Variants in PSD3 observed in about 807,000 individuals in gnomAD.
The protein encoded by PSD3 is PH and SEC7 domain-containing protein 3.
Under a neutral mutation model 105.5 loss-of-function variants are expected in PSD3, and 49 were observed. The ratio of observed to expected loss-of-function variants is 0.46; its 90% CI spans 0.37 to 0.59. PSD3 has a LOEUF of 0.59. PSD3 is among the 20% of genes least tolerant of loss of function. The pLI is 0.00. For missense variants in PSD3, 1,561 were observed against 1,263.8 expected (o/e 1.24, Z -3.57); for synonymous variants, 557 against 457.8 (o/e 1.22, Z -2.77).
intron 9 of PSD3, among the ~76,000 whole-genome samples, chr8:18,741,254 A>C (rs1008221744): frequency 1.3e-5 from 2 of 152,196 alleles, no homozygotes; most frequent in Non-Finnish European, 2.9e-5. Flanking sequence ...ACAACTGTTC[A>C]CAAGATGCGA....
chr8:18,602,800 G>A (rs1804530777), intron 11 of PSD3, among the ~76,000 whole-genome samples: 1 of 152,156 alleles, frequency 6.6e-6, no homozygotes. Context: ...CAGTGCCGCT[G>A]TTGCCACTGG....
chr8:18,631,533 A>C (rs17695317), intron 11 of PSD3, among the ~76,000 whole-genome samples: 5,110 of 152,100 alleles, frequency 0.034, 121 homozygotes, highest in East Asian at 0.1. Context: ...AAAATCATGC[A>C]GAGATAGAAA....
At chr8:18,582,330 C>G (rs1802874186) in intron 12 of PSD3, among the ~76,000 whole-genome samples, 1 of 152,102 alleles carries the variant, frequency 6.6e-6, no homozygotes, top group African/African-American at 2.4e-5. Context: ...TCTCCAATTC[C>G]CTATCTTACC....
intron 11 of PSD3, among the ~76,000 whole-genome samples, chr8:18,603,477 A>G (rs534259562): frequency 6.6e-6 from 1 of 152,270 alleles, no homozygotes; most frequent in South Asian, 2.1e-4. Context: ...TTTGGTGGCC[A>G]ATCTTCTATT....
At chr8:19,062,946 G>A (rs1828952659) in intron 1 of PSD3, among the ~76,000 whole-genome samples, 1 of 152,142 alleles carries the variant, frequency 6.6e-6, no homozygotes, top group African/African-American at 2.4e-5. Flanking sequence ...AAGAAAAAAT[G>A]TCTATCCAAA....
intron 2 of PSD3, among the ~76,000 whole-genome samples, chr8:18,911,823 T>G (rs532264572): frequency 6.6e-6 from 1 of 152,106 alleles, no homozygotes; most frequent in Non-Finnish European, 1.5e-5. Flanking sequence ...CTAGTCATCA[T>G]GAACACAATG....
intron 9 of PSD3, among the ~76,000 whole-genome samples, chr8:18,715,062 T>G (rs1194812109): frequency 6.6e-6 from 1 of 152,102 alleles, no homozygotes; most frequent in East Asian, 1.9e-4. Context: ...TTCTCACTCA[T>G]AAGTGGGAGA....
At chr8:18,843,139 T>C (rs1814790278) in intron 4 of PSD3, among the ~76,000 whole-genome samples, 1 of 151,964 alleles carries the variant, frequency 6.6e-6, no homozygotes, top group African/African-American at 2.4e-5. Flanking sequence ...GACGGGCGGA[T>C]CACGAGGTCA....
rs144302863 is a variant in PSD3 at position 18,952,096 on chromosome 8, G to C, written c.22-15954C>G. Among the ~76,000 whole-genome samples the C allele has an allele frequency of 5.6e-3, 857 of 152,236 alleles. 4 individuals carry two copies. Among genetic ancestry groups the C allele is most frequent in the African/African-American group, 0.02 (820 of 41,532 alleles). On this transcript the variant is annotated intron_variant, in intron 1 of 15. Transcript: ENST00000327040. ...TGCATGAACTAAAGAATAATGGGTG[G>C]ATGCCAGTCACCTTTGTTCTTAAAT...
intron 9 of PSD3, among the ~76,000 whole-genome samples, chr8:18,744,783 C>T (rs1465903508): frequency 6.6e-6 from 1 of 152,190 alleles, no homozygotes; most frequent in Non-Finnish European, 1.5e-5. Flanking sequence ...TCACCAGTTT[C>T]CCCATTACTG....
chr8:18,721,472 G>C (rs1396645862), intron 9 of PSD3, among the ~76,000 whole-genome samples: 1 of 152,158 alleles, frequency 6.6e-6, no homozygotes, highest in Non-Finnish European at 1.5e-5. Context: ...CTATAGCATA[G>C]CTGGGACCAT....
At chr8:18,723,063 C>T (rs1433236334) in intron 9 of PSD3, among the ~76,000 whole-genome samples, 1 of 152,104 alleles carries the variant, frequency 6.6e-6, no homozygotes, top group Non-Finnish European at 1.5e-5. Flanking sequence ...CAAACAGGTG[C>T]TTGAGAAAAA....
chr8:18,616,460 T>C (rs1046200911), intron 11 of PSD3, among the ~76,000 whole-genome samples: 14 of 152,106 alleles, frequency 9.2e-5, no homozygotes, highest in African/African-American at 3.1e-4. Flanking sequence ...CTCGTCTGGA[T>C]CTAGGAAAGA....
At chr8:18,696,116 G>C (rs752783754) in intron 9 of PSD3, among the ~76,000 whole-genome samples, 2 of 152,228 alleles carry the variant, frequency 1.3e-5, no homozygotes, top group South Asian at 4.1e-4. Context: ...CTGAGGATGT[G>C]TCAATGCCTC....
intron 2 of PSD3, among the ~76,000 whole-genome samples, chr8:18,888,470 C>T (rs1017744877): frequency 6.6e-6 from 1 of 151,522 alleles, no homozygotes; most frequent in Middle Eastern, 3.4e-3. Context: ...CTCTGTGAGC[C>T]TCAATTTCCA....
chr8:19,033,060 G>C (rs1471475161), intron 1 of PSD3, among the ~76,000 whole-genome samples: 1 of 151,914 alleles, frequency 6.6e-6, no homozygotes, highest in Non-Finnish European at 1.5e-5. Flanking sequence ...GCCTGGGCAA[G>C]ACTGAACATA....
intron 2 of PSD3, among the ~76,000 whole-genome samples, chr8:18,917,161 C>T (rs1312542587): frequency 6.6e-6 from 1 of 152,188 alleles, no homozygotes; most frequent in African/African-American, 2.4e-5. Context: ...TAACCAATAT[C>T]AGCAATCCCT....
intron 1 of PSD3, among the ~76,000 whole-genome samples, chr8:19,042,200 T>C (rs756941717): frequency 6.6e-6 from 1 of 152,208 alleles, no homozygotes; most frequent in Non-Finnish European, 1.5e-5. Context: ...GCACATATGA[T>C]ATTTTGTCCC....
intron 14 of PSD3, among the ~76,000 whole-genome samples, chr8:18,565,595 C>G (rs572550207): frequency 6.6e-6 from 1 of 152,270 alleles, no homozygotes; most frequent in South Asian, 2.1e-4. Flanking sequence ...AATTGAACGT[C>G]TAATTTTTCC....
Sources: gnomAD v4.1 joint callset for allele counts (sites outside exome capture counted in the v4.1 genomes callset) on GRCh38, gnomAD v4.1.1 for gene constraint, MANE v1.5 for transcripts, NCBI Gene and HGNC (gene_info 2026-07-23, HGNC 2026-07-21) for gene names.